Variants in MGAT5 observed in about 807,000 individuals in gnomAD.
MGAT5 encodes the protein alpha-1,6-mannosylglycoprotein 6-beta-N-acetylglucosaminyltransferase A.
MGAT5 carries 30 observed loss-of-function variants against 94.3 expected under a neutral mutation model. That is an observed-to-expected ratio of 0.32 (90% confidence interval 0.24 to 0.43). MGAT5 has a LOEUF of 0.43. Ranked by LOEUF, MGAT5 falls within the 20% of genes least tolerant of loss-of-function variation. The pLI, the probability that MGAT5 is intolerant of heterozygous loss-of-function variation, is 1.00. For synonymous variants in MGAT5, 310 were observed against 322.9 expected (o/e 0.96, Z 0.43); for missense variants, 691 against 905.5 (o/e 0.76, Z 3.04).
chr2:134,184,648 C>T (rs375651725), intron 1 of MGAT5, among the ~76,000 whole-genome samples: 28 of 152,122 alleles, frequency 1.8e-4, no homozygotes, highest in African/African-American at 5.8e-4. Flanking sequence ...GTGCTTGGCA[C>T]GTAGTAGAGC....
At chr2:134,302,015 A>G (rs958179262) in intron 2 of MGAT5, among the ~76,000 whole-genome samples, 18 of 152,310 alleles carry the variant, frequency 1.2e-4, no homozygotes, top group East Asian at 7.7e-4. Context: ...GGGGTTGACA[A>G]ACTTCTTATG....
intron 5 of MGAT5, 80 bp from the exon 6 acceptor site, chr2:134,338,179 T>A (rs1246253937): frequency 2.4e-6 from 3 of 1,231,430 alleles, no homozygotes; most frequent in African/African-American, 1.5e-5. Flanking sequence ...CCTTTTAAGT[T>A]TTCAGATGTC....
intron 3 of MGAT5, 131 bp from the exon 4 acceptor site, chr2:134,318,517 ACC>A (rs767078653): frequency 4.1e-5 from 28 of 679,522 alleles, no homozygotes; most frequent in Non-Finnish European, 6.9e-5. Context: ...CGGCTCAGTG[ACC>A]CTGTCACTCA....
intron 10 of MGAT5, among the ~76,000 whole-genome samples, chr2:134,374,054 A>C (rs1436678072): frequency 6.6e-6 from 1 of 152,226 alleles, no homozygotes; most frequent in African/African-American, 2.4e-5. Context: ...AAGGAAACAG[A>C]AGTGTGTGTA....
At chr2:134,185,712 C>A (rs966371244) in intron 1 of MGAT5, among the ~76,000 whole-genome samples, 1 of 152,204 alleles carries the variant, frequency 6.6e-6, no homozygotes, top group African/African-American at 2.4e-5. Context: ...TTAAGACCAT[C>A]TTTCCCTAAC....
intron 1 of MGAT5, among the ~76,000 whole-genome samples, chr2:134,264,017 GTTTTT>G (rs763608726): frequency 4.6e-5 from 5 of 108,944 alleles, no homozygotes; most frequent in East Asian, 5.9e-4. Flanking sequence ...ATGCCATTAG[GTTTTT>G]TTTTTTTTTT....
intron 1 of MGAT5, among the ~76,000 whole-genome samples, chr2:134,208,980 G>A (rs1020749638): frequency 2.0e-5 from 3 of 152,270 alleles, no homozygotes; most frequent in Middle Eastern, 3.4e-3. Flanking sequence ...GGGTTTCCTG[G>A]TGTTCTGTTA....
Position 134,297,056 on chromosome 2 carries a change from G to A in MGAT5, c.407-20473G>A, listed in dbSNP as rs143200425. On this transcript the variant is annotated intron_variant, in intron 2 of 15. Transcript: ENST00000281923. ...ATCTACAAAAAATAAAATTAGCTGG[G>A]TGTGGTGACACACACTTGTGGTCCT... 2.9e-3 allele frequency among the ~76,000 whole-genome samples: 440 copies of A among 152,040 alleles called. 1 individual carries two copies. Among genetic ancestry groups the A allele is most frequent in the Non-Finnish European group, 4.4e-3 (297 of 67,986 alleles).
chr2:134,399,924 C>A (rs1023184725), intron 10 of MGAT5, among the ~76,000 whole-genome samples: 10 of 152,166 alleles, frequency 6.6e-5, no homozygotes, highest in Admixed American at 5.9e-4. Context: ...GAAAGGCAGA[C>A]AAAGACACCT....
rs141952079 is a variant in MGAT5 at position 134,243,263 on chromosome 2, T to C, written c.-142-10999T>C. The stretch of plus-strand genomic sequence containing the variant: ...TGGGTGTGATAGCTGGGCATCTCTA[T>C]TTTTTAAAGAGCAGTCCAGGTGATT... On this transcript the variant is annotated intron_variant, in intron 1 of 16. Coordinates refer to the MGAT5 transcript ENST00000409645. Among the ~76,000 whole-genome samples the C allele has an allele frequency of 2.7e-3, 413 of 152,258 alleles. 1 individual carries two copies. Among genetic ancestry groups the C allele is most frequent in the African/African-American group, 9.2e-3 (384 of 41,552 alleles).
chr2:134,362,095 G>A (rs936059551), intron 9 of MGAT5, among the ~76,000 whole-genome samples, 180 bp from the exon 10 acceptor site: 2 of 152,170 alleles, frequency 1.3e-5, no homozygotes, highest in East Asian at 1.9e-4. Flanking sequence ...TCTTCATGAC[G>A]GTTTTACTGG....
chr2:134,199,282 C>T lies in MGAT5; in HGVS notation c.-142-54980C>T, dbSNP rs111854041. 1.6e-3 allele frequency among the ~76,000 whole-genome samples: 249 copies of T among 152,076 alleles called. 4 individuals are homozygous for T. The highest frequency in any genetic ancestry group is 5.7e-3 in the African/African-American group (238 of 41,490). ...AAGAGGGCAGTGTGTTTTCCTGTTCCGTGATGTGACTCAGAAGCATGTACA... is the reference window on the plus strand; with the variant it reads ...AAGAGGGCAGTGTGTTTTCCTGTTCTGTGATGTGACTCAGAAGCATGTACA... On this transcript the variant is annotated intron_variant, in intron 1 of 16. Coordinates refer to the MGAT5 transcript ENST00000409645.
chr2:134,139,246 G>A (rs1686557000), intron 1 of MGAT5, among the ~76,000 whole-genome samples: 1 of 152,234 alleles, frequency 6.6e-6, no homozygotes, highest in African/African-American at 2.4e-5. Flanking sequence ...TTATAAGAAA[G>A]ACGGAGTAAG....
At chr2:134,317,660 C>T (rs1573783466) in intron 3 of MGAT5, 55 bp downstream of exon 3, 1 of 1,194,096 alleles carries the variant, frequency 8.4e-7, no homozygotes, top group Non-Finnish European at 1.1e-6. Flanking sequence ...TTCTTTTTCC[C>T]TTCTCTTCCT....
At chr2:134,214,122 A>G (rs1680343913) in intron 1 of MGAT5, among the ~76,000 whole-genome samples, 2 of 152,066 alleles carry the variant, frequency 1.3e-5, no homozygotes, top group Admixed American at 1.3e-4. Flanking sequence ...AAAGCTCCCT[A>G]AGGCCTTCAT....
intron 1 of MGAT5, among the ~76,000 whole-genome samples, chr2:134,128,406 A>C (rs1011467010): frequency 6.6e-6 from 1 of 152,154 alleles, no homozygotes; most frequent in African/African-American, 2.4e-5. Flanking sequence ...CAGCTTGTTA[A>C]GTAGTATAGG....
intron 10 of MGAT5, among the ~76,000 whole-genome samples, chr2:134,378,074 AATTC>A (rs1681297878): frequency 6.6e-6 from 1 of 152,186 alleles, no homozygotes; most frequent in African/African-American, 2.4e-5. Flanking sequence ...TTCAGCTCCA[AATTC>A]ATCGTTTCTA....
chr2:134,448,922 C>G lies in MGAT5; in HGVS notation c.*75C>G. ...CAGCCCCGTCAGGCAGGGCCAGGGA[C>G]AGAAGTCATGCAGGGACTCTGGCAA... On this transcript the variant is annotated 3_prime_UTR_variant, in exon 16 of 16. Transcript: ENST00000281923. The G allele has an allele frequency of 6.8e-7, 1 of 1,471,582 alleles. No homozygotes were observed. Among genetic ancestry groups the G allele is most frequent in the Non-Finnish European group, 9.3e-7 (1 of 1,074,224 alleles). 91.2% of individuals were successfully genotyped at this position (1,471,582 alleles called of 1,614,324 possible). A position where few individuals can be genotyped will look rare whatever the true frequency, so the allele number is the denominator to read the frequency against.
chr2:134,278,338 A>G (rs969921868), intron 2 of MGAT5, among the ~76,000 whole-genome samples: 10 of 152,090 alleles, frequency 6.6e-5, no homozygotes, highest in African/African-American at 2.4e-4. Context: ...AGGAGGCTCT[A>G]GGTTTTAGTT....
Sources: allele counts gnomAD v4.1 joint callset (sites outside exome capture counted in the v4.1 genomes callset), GRCh38; gene constraint gnomAD v4.1.1; transcripts MANE v1.5; gene names NCBI Gene and HGNC (gene_info 2026-07-23, HGNC 2026-07-21).